The following CSPP1 variants were observed in gnomAD, a reference collection of about 807,000 sequenced individuals.
The protein encoded by CSPP1 is centrosome and spindle pole-associated protein 1.
CSPP1 carries 126 observed loss-of-function variants against 164.4 expected under a neutral mutation model. That is an observed-to-expected ratio of 0.77 (90% CI 0.66 to 0.89). The LOEUF is 0.89. CSPP1 is among the 40% of genes least tolerant of loss of function. CSPP1 has a pLI of 0.00. For synonymous variants in CSPP1, 472 were observed against 476.7 expected (o/e 0.99, Z 0.13); for missense variants, 1,395 against 1,449.8 (o/e 0.96, Z 0.61).
intron 24 of CSPP1, among the ~76,000 whole-genome samples, chr8:67,165,006 G>C (rs1829035611): frequency 6.6e-6 from 1 of 152,184 alleles, no homozygotes; most frequent in Admixed American, 6.5e-5. Flanking sequence ...GTTGCAGGCT[G>C]GGTGCAGTTG....
chr8:67,194,737 CTAT>C (rs1372513772), intron 30 of CSPP1, among the ~76,000 whole-genome samples: 1 of 150,868 alleles, frequency 6.6e-6, no homozygotes, highest in Admixed American at 6.6e-5. Flanking sequence ...ACAGATTTTC[CTAT>C]TATTATACCT....
At chr8:67,187,339 C>G (rs913240954) in intron 28 of CSPP1, among the ~76,000 whole-genome samples, 1 of 152,152 alleles carries the variant, frequency 6.6e-6, no homozygotes, top group African/African-American at 2.4e-5. Flanking sequence ...ATAAACAAGA[C>G]AGTGTGGCAT....
intron 29 of CSPP1, among the ~76,000 whole-genome samples, chr8:67,191,630 C>G (rs971584005): frequency 1.3e-5 from 2 of 152,168 alleles, no homozygotes; most frequent in African/African-American, 4.8e-5. Context: ...GAATAATTTT[C>G]CACTGTATTA....
At chr8:67,172,363 A>C in intron 24 of CSPP1, 53 bp from the exon 25 acceptor site, 1 of 1,435,132 alleles carries the variant, frequency 7.0e-7, no homozygotes, top group Non-Finnish European at 9.7e-7. Context: ...TTAGATGTGA[A>C]CTCACCTATT....
intron 2 of CSPP1, among the ~76,000 whole-genome samples, 168 bp downstream of exon 2, chr8:67,074,519 G>T (rs1417335340): frequency 6.6e-6 from 1 of 152,134 alleles, no homozygotes; most frequent in Non-Finnish European, 1.5e-5. Flanking sequence ...TTTGAATGCA[G>T]TTTTTCTTTT....
intron 7 of CSPP1, among the ~76,000 whole-genome samples, chr8:67,102,681 A>G (rs576380158): frequency 1.4e-3 from 220 of 152,328 alleles, no homozygotes; most frequent in African/African-American, 5.0e-3. Flanking sequence ...TTTGACTATA[A>G]TCTTTGTGAG....
chr8:67,134,812 C>G (rs1219190518), intron 16 of CSPP1: 1 of 152,252 alleles, frequency 6.6e-6, no homozygotes, highest in Non-Finnish European at 1.5e-5. Context: ...ATCCACCTGC[C>G]TCGGCCTCCC....
intron 4 of CSPP1, among the ~76,000 whole-genome samples, chr8:67,087,862 A>AG (rs1230549969): frequency 6.6e-6 from 1 of 152,202 alleles, no homozygotes; most frequent in Non-Finnish European, 1.5e-5. Flanking sequence ...CTGCATGTAG[A>AG]GACTCTCATT....
intron 19 of CSPP1, among the ~76,000 whole-genome samples, chr8:67,155,362 A>C (rs1324289844): frequency 6.6e-6 from 1 of 152,206 alleles, no homozygotes; most frequent in Non-Finnish European, 1.5e-5. Flanking sequence ...AATTATCTCA[A>C]CTCTTGAACC....
At chr8:67,106,021 A>T (rs1212702792) in intron 9 of CSPP1, 46 bp downstream of exon 9, 3 of 956,664 alleles carry the variant, frequency 3.1e-6, no homozygotes, top group Middle Eastern at 2.1e-4. Flanking sequence ...AGAGTGTCTT[A>T]TAATCCTTTT....
chr8:67,146,673 T>A (rs573971252), intron 17 of CSPP1, among the ~76,000 whole-genome samples: 1 of 152,174 alleles, frequency 6.6e-6, no homozygotes, highest in South Asian at 2.1e-4. Flanking sequence ...ATTTAACATA[T>A]CTCAGCCCTT....
chr8:67,193,412 G>A lies in CSPP1; in HGVS notation c.3331-52G>A, dbSNP rs901772149. Reference sequence around the variant, plus strand: ...ATGCCTGGCCCTGATTCACTGATTTGTGAACATATTTTGTGTTAATGACTT... The same window carrying A: ...ATGCCTGGCCCTGATTCACTGATTTATGAACATATTTTGTGTTAATGACTT... On this transcript the variant is annotated intron_variant, in intron 29 of 30. Coordinates refer to ENST00000678616, the MANE Select transcript of CSPP1 (RefSeq NM_001382391.1). 4 of 1,550,474 alleles carry A rather than the reference G, an allele frequency of 2.6e-6. No individual in the cohort carries two copies. The Admixed American group carries it at 5.1e-5, about 20-fold the overall frequency.
intron 22 of CSPP1, among the ~76,000 whole-genome samples, chr8:67,162,583 T>C (rs1828574985): frequency 6.6e-6 from 1 of 152,216 alleles, no homozygotes; most frequent in African/African-American, 2.4e-5. Context: ...TAGGAATTCA[T>C]TGTAATATTT....
intron 4 of CSPP1, among the ~76,000 whole-genome samples, chr8:67,087,568 G>C (rs1810669104): frequency 6.6e-6 from 1 of 152,172 alleles, no homozygotes; most frequent in African/African-American, 2.4e-5. Flanking sequence ...TCTGGAGAGA[G>C]AATCGAAGCG....
At chr8:67,158,843 TA>T in intron 20 of CSPP1, 147 bp from the exon 21 acceptor site, 1 of 905,530 alleles carries the variant, frequency 1.1e-6, no homozygotes, top group South Asian at 2.0e-5. Context: ...CCTAATATTT[TA>T]TTTTTAAGCA....
Position 67,193,549 on chromosome 8 carries a change from A to G in CSPP1, c.3416A>G (p.Asn1139Ser), listed in dbSNP as rs772125943. 1 of 1,613,872 alleles carries G rather than the reference A, an allele frequency of 6.2e-7. No individual in the cohort carries two copies. The highest frequency in any genetic ancestry group is 8.5e-7 in the Non-Finnish European group (1 of 1,179,714). Reference protein sequence around the residue: ...SVNVDELRVRNEERMRRLNEF... With the variant: ...SVNVDELRVRSEERMRRLNEF... ...AATGTTGATGAGCTTAGAGTGAGAA[A>G]TGAGGAACGAATGCGAAGACTGAAT... Residue 1139 changes from asparagine (N) to serine (S), a missense_variant, in exon 30 of 31, where the codon AAT becomes AGT. Asn to Ser is a conservative substitution (Grantham distance 46). Transcript: ENST00000678616.
intron 3 of CSPP1, 55 bp downstream of exon 3, chr8:67,076,636 GA>G: frequency 1.0e-6 from 1 of 975,256 alleles, no homozygotes; most frequent in South Asian, 1.5e-5. Flanking sequence ...GGGCTCTTCT[GA>G]AAGAGGTTTG....
rs764280843 is a variant in CSPP1 at position 67,086,082 on chromosome 8, G to C, written c.275G>C (p.Arg92Pro). 2.0e-6 allele frequency: 3 copies of C among 1,494,152 alleles called. No individual in the cohort carries two copies. In the East Asian group the frequency reaches 6.8e-5, roughly 34 times the overall value. The allele number at this position is 1,494,152 out of a possible 1,614,324, so 92.6% of individuals were successfully genotyped here. Residue 92 changes from arginine (R) to proline (P), a missense_variant, in exon 4 of 31, where the codon CGG (arginine) becomes CCG (proline). Arg to Pro is a moderately radical substitution (Grantham distance 103, BLOSUM62 -2). Coordinates refer to ENST00000678616, the MANE Select transcript of CSPP1 (RefSeq NM_001382391.1). ...RKKHKLKEEL[R>P]QDYRRYLTQK... ...AAACATAAATTAAAAGAAGAATTGCGGCAAGATTACAGACGTTATCTTACT... is the reference window on the plus strand; with the variant it reads ...AAACATAAATTAAAAGAAGAATTGCCGCAAGATTACAGACGTTATCTTACT...
intron 12 of CSPP1, among the ~76,000 whole-genome samples, chr8:67,115,553 C>T (rs1221732027): frequency 7.2e-5 from 11 of 152,018 alleles, no homozygotes; most frequent in Non-Finnish European, 1.5e-4. Context: ...GTGCCTGTAA[C>T]CCCAGCTACT....
Sources: allele counts gnomAD v4.1 joint callset (sites outside exome capture counted in the v4.1 genomes callset), GRCh38; gene constraint gnomAD v4.1.1; transcripts MANE v1.5; gene names NCBI Gene and HGNC (gene_info 2026-07-23, HGNC 2026-07-21).